LRRC23: variants seen among roughly 807,000 people sequenced by gnomAD.
The protein encoded by LRRC23 is leucine-rich repeat-containing protein 23.
A neutral mutation model predicts 37.7 loss-of-function variants in LRRC23; 28 were observed. The observed-to-expected ratio is 0.74, with a 90% CI of 0.55 to 1.02. The LOEUF is 1.02. LRRC23 is among the 50% of genes least tolerant of loss of function. LRRC23 has a pLI of 0.00. For synonymous variants in LRRC23, 161 were observed against 165.4 expected (o/e 0.97, Z 0.20); for missense variants, 377 against 413.2 (o/e 0.91, Z 0.76).
At chr12:6,910,128 G>A (rs1223827917) in intron 6 of LRRC23, 102 bp downstream of exon 6, 2 of 1,167,526 alleles carry the variant, frequency 1.7e-6, no homozygotes, top group East Asian at 2.5e-5. Flanking sequence ...CTAGCCCACA[G>A]CTGGATTCTC....
In LRRC23 at chr12:6,907,427, G is replaced by C; in HGVS notation, c.603G>C (p.Lys201Asn). Residue 201 changes from lysine (K) to asparagine (N), a missense_variant, in exon 5 of 8, where the codon AAG (lysine) becomes AAC (asparagine). Physicochemically the swap from Lys to Asn is moderately conservative, Grantham distance 94 (BLOSUM62 0). This residue lies in a region of LRRC23 where 266 missense variants were observed against 285.6 expected (regional missense o/e 0.93). Transcript: ENST00000443597. ...LESTLGINLP[K>N]LKNLYLAQNM... is the part of the protein sequence containing the mutation. ...GCACCCTGGGAATCAATCTTCCTAA[G>C]CTGAAGAACCTCTACCTGGTAGCTC... 6.2e-7 allele frequency: 1 copy of C among 1,614,058 alleles called. No homozygotes were observed. Among genetic ancestry groups the C allele is most frequent in the Non-Finnish European group, 8.5e-7 (1 of 1,179,998 alleles).
rs782463454 is a variant in LRRC23, at chr12:6,907,320, A to G, written c.496A>G (p.Ser166Gly). Reference sequence around the variant, plus strand: ...CTTGAAACCCTCCTCCCCAGGGAACAGCATCCACATGGTGACAGGTCTGGA... The same window carrying G: ...CTTGAAACCCTCCTCCCCAGGGAACGGCATCCACATGGTGACAGGTCTGGA... ...RLETLNLKGN[S>G]IHMVTGLDPE... The change falls in exon 5 of 8, where the codon AGC (serine) becomes GGC (glycine). Residue 166 changes from serine (S) to glycine (G), a missense_variant. Ser to Gly is a moderately conservative substitution (Grantham distance 56). This residue lies in a region of LRRC23 where 266 missense variants were observed against 285.6 expected (regional missense o/e 0.93). Transcript: ENST00000443597. 1 of 1,613,868 alleles carries G rather than the reference A, an allele frequency of 6.2e-7. No individual in the cohort carries two copies. The highest frequency in any genetic ancestry group is 1.1e-5 in the South Asian group (1 of 91,060).
chr12:6,907,249 C>G, intron 4 of LRRC23, 66 bp from the exon 5 acceptor site: 1 of 1,589,714 alleles, frequency 6.3e-7, no homozygotes, highest in Non-Finnish European at 8.6e-7. Context: ...AGAGGCTCCC[C>G]AAATTCAGGC....
Position 6,905,928 on chromosome 12 carries a change from T to C in LRRC23, c.210T>C (p.Ala70=), listed in dbSNP as rs781930803. 1.2e-6 allele frequency: 2 copies of C among 1,613,976 alleles called. No individual in the cohort carries two copies. The highest frequency in any genetic ancestry group is 2.2e-5 in the South Asian group (2 of 91,080). The part of the protein sequence containing the change: ...LCKTGNGLAH[A]YVKLEVKERD... ...AGACAGGCAATGGGCTGGCTCATGC[T>C]TATGTCAAGCTGGAGGTTAAAGAGA... Residue 70 remains alanine (A), a synonymous_variant, in exon 3 of 8, where the codon GCT becomes GCC. Transcript: ENST00000443597.
chr12:6,910,026 G>A lies in LRRC23; in HGVS notation c.758G>A (p.Arg253Lys). ...AAATCATTGCAGTACCTCAACCTGA[G>A]GTATGCACCCTCTCCAAGCCCCACC... The part of the protein sequence containing the change: ...EMKSLQYLNL[R>K]GNMVANLGEL... Residue 253 changes from arginine (R) to lysine (K), a missense_variant and splice_region_variant, in exon 6 of 8, where the codon AGG becomes AAG. Transcript: ENST00000443597. 1 of 1,608,152 alleles carries A rather than the reference G, an allele frequency of 6.2e-7. No homozygotes were observed. The highest frequency in any genetic ancestry group is 1.3e-5 in the African/African-American group (1 of 74,826).
intron 4 of LRRC23, among the ~76,000 whole-genome samples, chr12:6,906,961 TAGATC>T (rs1555139724): frequency 1.3e-5 from 2 of 151,844 alleles, no homozygotes; most frequent in East Asian, 1.9e-4. Context: ...TTGGAAAAAA[TAGATC>T]AGAGTAAGAG....
intron 5 of LRRC23, among the ~76,000 whole-genome samples, chr12:6,907,910 C>G (rs1944988607): frequency 6.6e-6 from 1 of 152,132 alleles, no homozygotes; most frequent in South Asian, 2.1e-4. Context: ...TCAAATCCCA[C>G]AGATTGAGGG....
rs782699286 is a variant in LRRC23, at chr12:6,912,862, A to C, written c.891A>C (p.Pro297=). The C allele has an allele frequency of 6.2e-7, 1 of 1,614,052 alleles. No individual in the cohort carries two copies. The highest frequency in any genetic ancestry group is 8.5e-7 in the Non-Finnish European group (1 of 1,180,042). The change falls in exon 7 of 8, where the codon CCA becomes CCC. Residue 297 remains proline (P), a synonymous_variant. Coordinates refer to ENST00000443597, the MANE Select transcript of LRRC23 (RefSeq NM_001135217.2). ...GCCAGGAGGCCCTGGTGCAGATGCC[A>C]TACCTTGAACGCCTGGACAAGGAAT... ...SYRQEALVQM[P]YLERLDKEFY...
chr12:6,907,261 C>G (rs1422550272), intron 4 of LRRC23, 54 bp from the exon 5 acceptor site: 18 of 1,605,538 alleles, frequency 1.1e-5, no homozygotes, highest in Non-Finnish European at 1.4e-5. Flanking sequence ...AATTCAGGCT[C>G]TAATGCTGAG....
intron 7 of LRRC23, among the ~76,000 whole-genome samples, chr12:6,913,555 GTTTTTTTTTTTTTTT>G (rs869177982): frequency 5.2e-5 from 4 of 76,392 alleles, no homozygotes; most frequent in East Asian, 4.7e-4. Context: ...ACCTCTGTTT[GTTTTTTTTTTTTTTT>G]TTTTTTTTTT....
At chr12:6,908,786 T>C (rs1275492636) in intron 5 of LRRC23, among the ~76,000 whole-genome samples, 1 of 143,904 alleles carries the variant, frequency 6.9e-6, no homozygotes, top group African/African-American at 2.6e-5. Context: ...ATTGCGCCAC[T>C]GCACTCCAGC....
At chr12:6,912,690 C>T (rs1555140894) in intron 6 of LRRC23, 40 bp from the exon 7 acceptor site, 4 of 1,588,410 alleles carry the variant, frequency 2.5e-6, no homozygotes, top group Admixed American at 1.7e-5. Context: ...CAACCAAAGC[C>T]CATTATTCCT....
At chr12:6,913,555 G>GT (rs869177982) in intron 7 of LRRC23, among the ~76,000 whole-genome samples, 1,639 of 76,298 alleles carry the variant, frequency 0.021, 374 homozygotes, top group Non-Finnish European at 0.03. Context: ...ACCTCTGTTT[G>GT]TTTTTTTTTT....
At chr12:6,912,394 T>TAGG (rs1945181257) in intron 6 of LRRC23, among the ~76,000 whole-genome samples, 3 of 152,104 alleles carry the variant, frequency 2.0e-5, no homozygotes, top group African/African-American at 7.2e-5. Flanking sequence ...TCCATTTAGG[T>TAGG]GTGATCACAG....
chr12:6,907,491 C>A, intron 5 of LRRC23, 46 bp downstream of exon 5: 1 of 1,606,810 alleles, frequency 6.2e-7, no homozygotes, highest in South Asian at 1.1e-5. Context: ...GGGCACTGTC[C>A]TGGGGGTCAG....
intron 2 of LRRC23, 41 bp downstream of exon 2, chr12:6,905,800 G>A (rs782650144): frequency 3.1e-5 from 50 of 1,613,186 alleles, no homozygotes; most frequent in Non-Finnish European, 3.8e-5. Flanking sequence ...GCTGAAGGAG[G>A]GGGTTGGGCA....
intron 7 of LRRC23, 179 bp from the exon 8 acceptor site, chr12:6,913,712 A>C: frequency 2.3e-6 from 1 of 426,312 alleles, no homozygotes; most frequent in Non-Finnish European, 4.2e-6. Flanking sequence ...CTACAGGCGC[A>C]TGCAACCGCG....
At position 6,909,866 on chromosome 12, in the gene LRRC23, A is replaced by G. The variant is rs782256357; in HGVS notation, c.622-24A>G. ...CCCTATCCCTGCTCCCTCTCAATCAATCCACTGTGCCCTGGGGGTCTAGGC... is the reference window on the plus strand; with the variant it reads ...CCCTATCCCTGCTCCCTCTCAATCAGTCCACTGTGCCCTGGGGGTCTAGGC... On this transcript the variant is annotated intron_variant, in intron 5 of 7. Transcript: ENST00000443597. The G allele has an allele frequency of 8.8e-6, 14 of 1,596,830 alleles. No individual in the cohort carries two copies. The African/African-American group carries it at 1.9e-4, about 22-fold the overall frequency.
At chr12:6,913,061 G>A (rs1333531479) in intron 7 of LRRC23, 34 bp downstream of exon 7, 2 of 1,596,130 alleles carry the variant, frequency 1.3e-6, no homozygotes, top group Non-Finnish European at 1.7e-6. Context: ...GTGGGAGGAG[G>A]CCAAGGGCTG....
Sources: allele counts gnomAD v4.1 joint callset (sites outside exome capture counted in the v4.1 genomes callset), GRCh38; gene constraint gnomAD v4.1.1; regional missense constraint gnomAD v4.1.1; transcripts MANE v1.5; gene names NCBI Gene and HGNC (gene_info 2026-07-23, HGNC 2026-07-21).